The following EIF5A2 variants were observed in gnomAD, a reference collection of about 807,000 sequenced individuals.
EIF5A2 encodes eukaryotic translation initiation factor 5A2, also known as eukaryotic translation initiation factor 5A-2.
Under a neutral mutation model 16.4 loss-of-function variants are expected in EIF5A2, and 15 were observed. The ratio of observed to expected loss-of-function variants is 0.92; its 90% confidence interval spans 0.61 to 1.41. The LOEUF is 1.41. Ranked by LOEUF, EIF5A2 falls within the 40% of genes most tolerant of loss-of-function variation. The probability of loss-of-function intolerance (pLI) is 0.00; values close to 1 mark genes in which losing one functional copy is unlikely to be tolerated. For synonymous variants in EIF5A2, 48 were observed against 61.1 expected (o/e 0.79, Z 1.00); for missense variants, 144 against 189.5 (o/e 0.76, Z 1.41).
intron 3 of EIF5A2, among the ~76,000 whole-genome samples, chr3:170,899,767 C>G (rs750475935): frequency 7.9e-4 from 119 of 151,512 alleles, no homozygotes; most frequent in Non-Finnish European, 1.4e-3. Flanking sequence ...ATCGTCAAGT[C>G]CCCAAGCATA....
chr3:170,896,758 C>G (rs1712684831), intron 3 of EIF5A2, among the ~76,000 whole-genome samples: 1 of 152,042 alleles, frequency 6.6e-6, no homozygotes, highest in African/African-American at 2.4e-5. Context: ...TATAAAGATG[C>G]CTGAAAATAA....
chr3:170,893,940 A>G (rs1034152615), intron 4 of EIF5A2, among the ~76,000 whole-genome samples: 2 of 152,006 alleles, frequency 1.3e-5, no homozygotes, highest in African/African-American at 4.8e-5. Context: ...GGCTGAGGGG[A>G]GAATCGCTTG....
At chr3:170,902,960 C>A (rs1712852386) in intron 3 of EIF5A2, among the ~76,000 whole-genome samples, 1 of 152,076 alleles carries the variant, frequency 6.6e-6, no homozygotes, top group Admixed American at 6.6e-5. Flanking sequence ...ATGACACGGG[C>A]TTTCTCTCAC....
rs1712977309 is a variant in EIF5A2 at position 170,907,753 on chromosome 3, G to GT, written c.53dup (p.Tyr18Ter). 6.3e-7 allele frequency: 1 copy of GT among 1,594,032 alleles called. No individual in the cohort carries two copies. The highest frequency in any genetic ancestry group is 8.6e-7 in the Non-Finnish European group (1 of 1,164,348). Reference sequence around the variant, plus strand: ...TGCGCAAGGCCGAGCACTGCATAGGGTAAGTGCTGGAAGCCCCGGCATCTC... The same window carrying GT: ...TGCGCAAGGCCGAGCACTGCATAGGGTTAAGTGCTGGAAGCCCCGGCATCTC... ...TTGDAGASST[Y>*]PMQCSALRKN... Residue 18 changes from tyrosine (Y) to a stop codon, truncating the protein, a stop_gained and frameshift_variant, in exon 2 of 5, where the codon TAC (tyrosine) becomes TAAC (stop). Coordinates refer to ENST00000295822, the MANE Select transcript of EIF5A2 (RefSeq NM_020390.6). LOFTEE classifies it high-confidence loss of function.
intron 3 of EIF5A2, among the ~76,000 whole-genome samples, chr3:170,900,324 G>A (rs980298343): frequency 5.7e-5 from 8 of 140,160 alleles, no homozygotes; most frequent in Non-Finnish European, 9.0e-5. Flanking sequence ...CTGAGATCAC[G>A]CCGCTGCACT....
chr3:170,901,936 A>G (rs750667537), intron 3 of EIF5A2, among the ~76,000 whole-genome samples: 33 of 152,128 alleles, frequency 2.2e-4, no homozygotes, highest in Middle Eastern at 3.2e-3. Context: ...GTGATCTGAG[A>G]GACTGAATGC....
At chr3:170,901,701 A>G (rs776483700) in intron 3 of EIF5A2, among the ~76,000 whole-genome samples, 15 of 152,060 alleles carry the variant, frequency 9.9e-5, no homozygotes, top group Non-Finnish European at 1.8e-4. Flanking sequence ...CGGCCTCCCA[A>G]AGTGCTGGGA....
chr3:170,897,330 T>C (rs1181308609), intron 3 of EIF5A2, among the ~76,000 whole-genome samples: 3 of 152,068 alleles, frequency 2.0e-5, no homozygotes, highest in African/African-American at 4.8e-5. Flanking sequence ...GCCAAGACAA[T>C]GGGGAAAATG....
chr3:170,907,577 T>C, intron 2 of EIF5A2, 65 bp downstream of exon 2: 1 of 1,446,582 alleles, frequency 6.9e-7, no homozygotes, highest in Non-Finnish European at 9.2e-7. Flanking sequence ...TCATGATCTG[T>C]AACGGAATAC....
chr3:170,897,887 G>A (rs1712712497), intron 3 of EIF5A2, among the ~76,000 whole-genome samples: 1 of 152,200 alleles, frequency 6.6e-6, no homozygotes, highest in African/African-American at 2.4e-5. Context: ...GAAAGCAGCT[G>A]CAGAGGCTGT....
chr3:170,896,782 G>C (rs777763280), intron 3 of EIF5A2, among the ~76,000 whole-genome samples: 4 of 152,206 alleles, frequency 2.6e-5, no homozygotes, highest in Non-Finnish European at 5.9e-5. Flanking sequence ...AACAACTTTG[G>C]AACTGGGTAA....
intron 4 of EIF5A2, among the ~76,000 whole-genome samples, chr3:170,893,974 T>C (rs1218762607): frequency 6.6e-6 from 1 of 150,682 alleles, no homozygotes; most frequent in Non-Finnish European, 1.5e-5. Context: ...GAGGTTGCAA[T>C]GAGCCGAGAT....
In EIF5A2 at chr3:170,907,584, A is replaced by C. The variant is rs907901300; in HGVS notation, c.165+58T>G. 2.4e-5 allele frequency: 35 copies of C among 1,474,914 alleles called. 2 individuals are homozygous for C. The South Asian group carries it at 5.1e-4, about 21-fold the overall frequency. The allele number at this position is 1,474,914 out of a possible 1,614,324, so 91.4% of individuals were successfully genotyped here. Reference sequence around the variant, plus strand: ...TAGAAATCTCATGATCTGTAACGGAATACAAATGATCAAAGTCCCAACGCC... The same window carrying C: ...TAGAAATCTCATGATCTGTAACGGACTACAAATGATCAAAGTCCCAACGCC... On this transcript the variant is annotated intron_variant, in intron 2 of 4. Transcript: ENST00000295822.
At chr3:170,905,725 G>A (rs1024746757) in intron 3 of EIF5A2, among the ~76,000 whole-genome samples, 11 of 152,016 alleles carry the variant, frequency 7.2e-5, no homozygotes, top group African/African-American at 2.7e-4. Flanking sequence ...AGCACTTTTT[G>A]GTACGTATCT....
chr3:170,907,996 C>T (rs1348250560), intron 1 of EIF5A2, among the ~76,000 whole-genome samples, 155 bp from the exon 2 acceptor site: 1 of 152,232 alleles, frequency 6.6e-6, no homozygotes, highest in Non-Finnish European at 1.5e-5. Context: ...TAACTCTGGC[C>T]TCTACAAACT....
chr3:170,901,553 A>C (rs1340118147), intron 3 of EIF5A2, among the ~76,000 whole-genome samples: 1 of 149,190 alleles, frequency 6.7e-6, no homozygotes, highest in Non-Finnish European at 1.5e-5. Context: ...TTATCCCTAC[A>C]GGTGCCTTCT....
At chr3:170,907,157 A>C (rs915494312) in intron 2 of EIF5A2, 64 bp from the exon 3 acceptor site, 1 of 1,027,260 alleles carries the variant, frequency 9.7e-7, no homozygotes, top group African/African-American at 1.6e-5. Context: ...TACACACACA[A>C]GAGCACAATA....
intron 3 of EIF5A2, among the ~76,000 whole-genome samples, chr3:170,903,222 GA>G (rs1712856394): frequency 6.6e-6 from 1 of 152,146 alleles, no homozygotes; most frequent in Non-Finnish European, 1.5e-5. Context: ...TCAATTTACA[GA>G]ATGCCTCGTT....
At position 170,889,792 on chromosome 3, in the gene EIF5A2, T is replaced by G. The variant is rs1712485775; in HGVS notation, c.*3568A>C. ...CAATGCCTGGCTCCAAAACTATCTC[T>G]GGGGTCCATGCCAAAGGAATGCTTT... is the stretch of plus-strand genomic sequence containing the variant. On this transcript the variant is annotated 3_prime_UTR_variant, in exon 5 of 5. Transcript: ENST00000295822. 6.6e-6 allele frequency: 1 copy of G among 152,608 alleles called. No individual in the cohort carries two copies. The highest frequency in any genetic ancestry group is 1.5e-5 in the Non-Finnish European group (1 of 67,958). 9.5% of individuals were successfully genotyped at this position (152,608 alleles called of 1,614,324 possible). A position where few individuals can be genotyped will look rare whatever the true frequency, so the allele number is the denominator to read the frequency against.
Sources: allele counts gnomAD v4.1 joint callset (sites outside exome capture counted in the v4.1 genomes callset), GRCh38; gene constraint gnomAD v4.1.1; transcripts MANE v1.5; gene names NCBI Gene and HGNC (gene_info 2026-07-23, HGNC 2026-07-21).